Variants in ABCB10 observed in about 807,000 individuals in gnomAD.
ABCB10 encodes ATP-binding cassette sub-family B member 10, mitochondrial.
Under a neutral mutation model 65.4 loss-of-function variants are expected in ABCB10, and 54 were observed. That is an observed-to-expected ratio of 0.83 (90% CI 0.66 to 1.04). ABCB10 has a LOEUF of 1.04. Ranked by LOEUF, ABCB10 falls within the 50% of genes least tolerant of loss-of-function variation. The probability of loss-of-function intolerance (pLI) is 0.00; values close to 1 mark genes in which losing one functional copy is unlikely to be tolerated. For synonymous variants in ABCB10, 418 were observed against 406.5 expected (o/e 1.03, Z -0.34); for missense variants, 846 against 976.6 (o/e 0.87, Z 1.78).
At chr1:229,533,325 T>C (rs1016232938) in intron 6 of ABCB10, among the ~76,000 whole-genome samples, 8 of 152,112 alleles carry the variant, frequency 5.3e-5, no homozygotes, top group African/African-American at 1.9e-4. Flanking sequence ...GGTTTCACCA[T>C]GTTGGCCAGG....
At chr1:229,537,562 G>A (rs922532732) in intron 6 of ABCB10, among the ~76,000 whole-genome samples, 4 of 152,090 alleles carry the variant, frequency 2.6e-5, no homozygotes, top group African/African-American at 4.8e-5. Context: ...TGAGGCGGGC[G>A]GATTGCCTGA....
At chr1:229,538,517 G>A (rs1015540673) in intron 6 of ABCB10, among the ~76,000 whole-genome samples, 5 of 152,182 alleles carry the variant, frequency 3.3e-5, no homozygotes, top group Non-Finnish European at 7.3e-5. Context: ...GCTACATACT[G>A]TCTGTGGGTC....
At chr1:229,533,485 T>C (rs1211083164) in intron 6 of ABCB10, among the ~76,000 whole-genome samples, 1 of 152,232 alleles carries the variant, frequency 6.6e-6, no homozygotes, top group African/African-American at 2.4e-5. Flanking sequence ...AGGACATACA[T>C]TTGTAACATT....
In ABCB10 at chr1:229,540,718, A is replaced by G. The variant is rs1465383657; in HGVS notation, c.1091T>C (p.Val364Ala). The G allele has an allele frequency of 6.2e-7, 1 of 1,613,788 alleles. No homozygotes were observed. Among genetic ancestry groups the G allele is most frequent in the African/African-American group, 1.3e-5 (1 of 75,042 alleles). The change falls in exon 5 of 13, where the codon GTT becomes GCT. Residue 364 changes from valine (V) to alanine (A), a missense_variant. By Grantham distance (64) the Val-to-Ala change is moderately conservative. This residue lies in a region of ABCB10 where 632 missense variants were observed against 803.2 expected (regional missense o/e 0.79). Coordinates refer to ENST00000344517, the MANE Select transcript of ABCB10 (RefSeq NM_012089.3). ...AEERIGNVRT[V>A]RAFGKEMTEI... Reference sequence around the variant, plus strand: ...AGTCATTTCTTTCCCAAAAGCTCGAACAGTTCTTACATTTCCAATACGTTC... The same window carrying G: ...AGTCATTTCTTTCCCAAAAGCTCGAGCAGTTCTTACATTTCCAATACGTTC...
intron 3 of ABCB10, among the ~76,000 whole-genome samples, chr1:229,545,463 G>A (rs991396987): frequency 1.3e-5 from 2 of 152,116 alleles, no homozygotes; most frequent in Admixed American, 6.5e-5. Context: ...TGCCCAAAAC[G>A]ATAGCCCTAC....
intron 1 of ABCB10, among the ~76,000 whole-genome samples, chr1:229,557,270 G>A (rs1663272190): frequency 6.6e-6 from 1 of 152,088 alleles, no homozygotes. Flanking sequence ...ACAGGTGCAG[G>A]TTTACCTCTA....
At chr1:229,527,557 C>T (rs1314421120) in intron 8 of ABCB10, among the ~76,000 whole-genome samples, 4 of 152,232 alleles carry the variant, frequency 2.6e-5, no homozygotes, top group Admixed American at 2.6e-4. Context: ...ATCTGTCCAG[C>T]TTGCCTTCCT....
intron 1 of ABCB10, among the ~76,000 whole-genome samples, chr1:229,551,964 C>T (rs1367748447): frequency 6.6e-6 from 1 of 151,452 alleles, no homozygotes; most frequent in African/African-American, 2.5e-5. Context: ...TTTTCTAAAT[C>T]AGTTATGATT....
At chr1:229,547,906 C>G (rs1368805143) in intron 2 of ABCB10, among the ~76,000 whole-genome samples, 2 of 152,138 alleles carry the variant, frequency 1.3e-5, no homozygotes, top group African/African-American at 2.4e-5. Context: ...ACTACTAACA[C>G]TACTTTTCTC....
At chr1:229,550,525 C>CAAAAAAAAAAAAAAAAAAAAAAAAA (rs60323914) in intron 1 of ABCB10, among the ~76,000 whole-genome samples, 1 of 63,546 alleles carries the variant, frequency 1.6e-5, no homozygotes, top group African/African-American at 7.5e-5. Context: ...ATGCTGTCTC[C>CAAAAAAAAAAAAAAAAAAAAAAAAA]AAAAAAAAAA....
Position 229,526,061 on chromosome 1 carries a change from T to C in ABCB10, c.1781A>G (p.Asp594Gly), listed in dbSNP as rs764872659. 3.1e-6 allele frequency: 5 copies of C among 1,614,098 alleles called. No individual in the cohort carries two copies. Among genetic ancestry groups the C allele is most frequent in the Non-Finnish European group, 4.2e-6 (5 of 1,180,010 alleles). ...TTCCTCAGCGGTCACAGAGGAAGGG[T>C]CATCAGCACCATAAGCAATGTTCTC... The part of the protein sequence containing the change: ...IAENIAYGAD[D>G]PSSVTAEEIQ... Residue 594 changes from aspartate to glycine, a missense_variant, in exon 10 of 13, where the codon GAC becomes GGC. Physicochemically the swap from Asp to Gly is moderately conservative, Grantham distance 94. Transcript: ENST00000344517.
At chr1:229,531,847 T>C (rs1662592508) in intron 6 of ABCB10, 116 bp from the exon 7 acceptor site, 2 of 766,486 alleles carry the variant, frequency 2.6e-6, no homozygotes, top group Non-Finnish European at 3.9e-6. Context: ...TTATTAATAT[T>C]TTCAAAAAAC....
chr1:229,530,410 T>C lies in ABCB10; in HGVS notation c.1436-2A>G, dbSNP rs755097829. 6 of 1,613,842 alleles carry C rather than the reference T, an allele frequency of 3.7e-6. No individual in the cohort carries two copies. The highest frequency in any genetic ancestry group is 5.1e-6 in the Non-Finnish European group (6 of 1,179,936). ...TTTTCTCATTTAAGATGACCCCCTC[T>C]GAAACATAAAATGGAATATTAATTA... On this transcript the variant is annotated splice_acceptor_variant, in intron 7 of 12. Transcript: ENST00000344517. LOFTEE classifies it high-confidence loss of function.
intron 1 of ABCB10, among the ~76,000 whole-genome samples, chr1:229,553,583 C>T (rs970438751): frequency 1.3e-5 from 2 of 151,836 alleles, no homozygotes; most frequent in African/African-American, 4.8e-5. Context: ...GACGTGATGA[C>T]TGGTTGGATG....
At chr1:229,529,768 T>A (rs1662535927) in intron 8 of ABCB10, among the ~76,000 whole-genome samples, 1 of 151,760 alleles carries the variant, frequency 6.6e-6, no homozygotes, top group East Asian at 1.9e-4. Context: ...AGGCAGAGGT[T>A]CTCCAGGAGC....
chr1:229,542,118 G>A, intron 4 of ABCB10, 119 bp downstream of exon 4: 1 of 1,293,042 alleles, frequency 7.7e-7, no homozygotes, highest in Non-Finnish European at 1.0e-6. Context: ...AATTTCTAAT[G>A]AAAGGAAAGG....
At position 229,516,611 on chromosome 1, in the gene ABCB10, TATAAA is replaced by T. The variant is rs1662182533; in HGVS notation, c.*1563_*1567del. On this transcript the variant is annotated 3_prime_UTR_variant, in exon 13 of 13. Transcript: ENST00000344517. ...GTTCACTATAAATTTTAATCTATGATATAAAATATTACCTAAAGATAAAATTGAAC... is the reference window on the plus strand; with the variant it reads ...GTTCACTATAAATTTTAATCTATGATATATTACCTAAAGATAAAATTGAAC... 6.6e-6 allele frequency: 1 copy of T among 151,026 alleles called. No individual in the cohort carries two copies. The highest frequency in any genetic ancestry group is 1.5e-5 in the Non-Finnish European group (1 of 67,806). The allele number at this position is 151,026 out of a possible 1,614,324, so 9.4% of individuals were successfully genotyped here.
In ABCB10 at chr1:229,539,582, A is replaced by C. The variant is rs778700542; in HGVS notation, c.1213T>G (p.Ser405Ala). The C allele has an allele frequency of 3.1e-6, 5 of 1,613,154 alleles. No individual in the cohort carries two copies. The highest frequency in any genetic ancestry group is 1.3e-5 in the African/African-American group (1 of 74,912). The change falls in exon 6 of 13, where the codon TCC becomes GCC. Residue 405 changes from serine to alanine, a missense_variant. Around this residue, in one of 2 missense-constraint regions of ABCB10, gnomAD observed 632 missense variants for 803.2 expected, o/e 0.79. Transcript: ENST00000344517. ...ACAGAAAGCACGATCAGGTTTCCGG[A>C]GAGCCCAGTCTGTCGAATGAAGAAA... ...RAGFFGATGLSGNLIVLSVLY... is the reference protein window; with the variant it reads ...RAGFFGATGLAGNLIVLSVLY...
At position 229,527,278 on chromosome 1, in the gene ABCB10, C is replaced by G. The variant is rs372912506; in HGVS notation, c.1676G>C (p.Arg559Pro). 3 of 1,612,896 alleles carry G rather than the reference C, an allele frequency of 1.9e-6. No homozygotes were observed. Among genetic ancestry groups the G allele is most frequent in the Non-Finnish European group, 2.5e-6 (3 of 1,179,722 alleles). ...TCTCAGCCACACTGGGTTTAGCTGACGGATGTCATGGCCATCAAGACTAAT... is the reference window on the plus strand; with the variant it reads ...TCTCAGCCACACTGGGTTTAGCTGAGGGATGTCATGGCCATCAAGACTAAT... ...GTISLDGHDIRQLNPVWLRSK... is the reference protein window; with the variant it reads ...GTISLDGHDIPQLNPVWLRSK... The change falls in exon 9 of 13, where the codon CGT becomes CCT. Residue 559 changes from arginine to proline, a missense_variant. Around this residue, in one of 2 missense-constraint regions of ABCB10, gnomAD observed 632 missense variants for 803.2 expected, o/e 0.79. Coordinates refer to ENST00000344517, the MANE Select transcript of ABCB10 (RefSeq NM_012089.3).
Sources: gnomAD v4.1 joint callset for allele counts (sites outside exome capture counted in the v4.1 genomes callset) on GRCh38, gnomAD v4.1.1 for gene constraint, gnomAD v4.1.1 regional missense constraint, MANE v1.5 for transcripts, NCBI Gene and HGNC (gene_info 2026-07-23, HGNC 2026-07-21) for gene names.